Variants in CDC42 observed in about 807,000 individuals in gnomAD.
CDC42 encodes the protein cell division cycle 42.
A neutral mutation model predicts 20.8 loss-of-function variants in CDC42; 1 was observed. The ratio of observed to expected loss-of-function variants is 0.05; its 90% CI spans 0.02 to 0.23. The LOEUF (loss-of-function observed/expected upper bound fraction) is 0.23. Among genes scored for constraint, CDC42 ranks in the 10% least tolerant of loss-of-function variants. The pLI, the probability that CDC42 is intolerant of heterozygous loss-of-function variation, is 1.00. For missense variants in CDC42, 49 were observed against 227.9 expected (o/e 0.21, Z 5.05); for synonymous variants, 72 against 84.8 (o/e 0.85, Z 0.83).
chr1:22,074,477 T>C (rs1205981973), intron 1 of CDC42, among the ~76,000 whole-genome samples: 1 of 152,216 alleles, frequency 6.6e-6, no homozygotes, highest in East Asian at 1.9e-4. Context: ...ACATAGGGTA[T>C]ATGAACATGT....
chr1:22,075,226 T>C lies in CDC42; in HGVS notation c.-50-3203T>C, dbSNP rs114598508. The stretch of plus-strand genomic sequence containing the variant: ...AACGGTAGCCTCCTATAGTTTTTAT[T>C]TAACACATGAAACAATTATTAATAC... On this transcript the variant is annotated intron_variant, in intron 1 of 5. Coordinates refer to ENST00000656825, the MANE Select transcript of CDC42 (RefSeq NM_001791.4). Among the ~76,000 whole-genome samples the C allele has an allele frequency of 4.3e-3, 658 of 152,326 alleles. 6 individuals are homozygous for C. The highest frequency in any genetic ancestry group is 0.015 in the African/African-American group (643 of 41,568).
chr1:22,054,940 T>C (rs1201045979), intron 1 of CDC42, among the ~76,000 whole-genome samples: 1 of 24,288 alleles, frequency 4.1e-5, no homozygotes, highest in African/African-American at 2.0e-4. Context: ...TTTTTTTTTT[T>C]TTTTTTTTTT....
intron 1 of CDC42, among the ~76,000 whole-genome samples, chr1:22,073,538 CAA>C (rs879917377): frequency 1.3e-4 from 12 of 92,272 alleles, no homozygotes; most frequent in Non-Finnish European, 9.1e-5. Context: ...AACTCTGTCT[CAA>C]AAAAAAAAAA....
chr1:22,065,417 A>G (rs1167657583), intron 1 of CDC42, among the ~76,000 whole-genome samples: 3 of 152,232 alleles, frequency 2.0e-5, no homozygotes, highest in African/African-American at 7.2e-5. Flanking sequence ...AAATTAGCAA[A>G]TAACCCTCCC....
chr1:22,086,892 G>A, intron 5 of CDC42, 26 bp downstream of exon 5: 1 of 1,579,164 alleles, frequency 6.3e-7, no homozygotes, highest in Non-Finnish European at 8.7e-7. Flanking sequence ...AACCCCATGT[G>A]TATTTATGGT....
chr1:22,078,867 A>T lies in CDC42; in HGVS notation c.105+284A>T, dbSNP rs765164792. The stretch of plus-strand genomic sequence containing the variant: ...GTCTCAATTTGGTGAAGTATGCCCT[A>T]CATCTTGGAATGAGGTGACTTTTTT... On this transcript the variant is annotated intron_variant, in intron 2 of 5. Transcript: ENST00000656825. The T allele has an allele frequency of 4.5e-6, 6 of 1,320,632 alleles. No individual in the cohort carries two copies. The South Asian group carries it at 8.0e-5, about 18-fold the overall frequency. The allele number at this position is 1,320,632 out of a possible 1,614,324, so 81.8% of individuals were successfully genotyped here. A position where few individuals can be genotyped will look rare whatever the true frequency, so the allele number is the denominator to read the frequency against.
chr1:22,078,419 C>T lies in CDC42; in HGVS notation c.-50-10C>T, dbSNP rs572342695. 1 of 1,274,430 alleles carries T rather than the reference C, an allele frequency of 7.8e-7. No homozygotes were observed. The highest frequency in any genetic ancestry group is 1.5e-5 in the African/African-American group (1 of 67,352). 78.9% of individuals were successfully genotyped at this position (1,274,430 alleles called of 1,614,324 possible). A position where few individuals can be genotyped will look rare whatever the true frequency, so the allele number is the denominator to read the frequency against. ...GTATAAATAAACAAATGTCTTTAATCTTTTTGCAGGTCATCATCAGATTTG... is the reference window on the plus strand; with the variant it reads ...GTATAAATAAACAAATGTCTTTAATTTTTTTGCAGGTCATCATCAGATTTG... On this transcript the variant is annotated splice_polypyrimidine_tract_variant and intron_variant, in intron 1 of 5. Transcript: ENST00000656825.
At chr1:22,086,314 T>C in intron 3 of CDC42, 125 bp from the exon 4 acceptor site, 5 of 621,750 alleles carry the variant, frequency 8.0e-6, no homozygotes, top group Non-Finnish European at 1.4e-5. Context: ...CATATTATAT[T>C]ACAAAGCCAT....
At chr1:22,071,042 CTTTCT>C (rs1428381775) in intron 1 of CDC42, among the ~76,000 whole-genome samples, 1 of 50,594 alleles carries the variant, frequency 2.0e-5, no homozygotes, top group Non-Finnish European at 3.5e-5. Flanking sequence ...CTTTTTTTTT[CTTTCT>C]TTTTTTTTTT....
chr1:22,089,259 C>A (rs1218482833), intron 5 of CDC42, among the ~76,000 whole-genome samples: 1 of 152,128 alleles, frequency 6.6e-6, no homozygotes, highest in Non-Finnish European at 1.5e-5. Flanking sequence ...GTATCTTAAT[C>A]CCCGTAAGAT....
chr1:22,090,893 C>T (rs957066836), intron 5 of CDC42: 16 of 623,390 alleles, frequency 2.6e-5, no homozygotes, highest in Non-Finnish European at 3.0e-5. Context: ...TCCCTTGAAT[C>T]TCCTTGACTC....
In CDC42 at chr1:22,096,213, C is replaced by G. The variant is rs1645757371; in HGVS notation, c.*4696C>G. On this transcript the variant is annotated 3_prime_UTR_variant, in exon 6 of 6. Coordinates refer to ENST00000656825, the MANE Select transcript of CDC42 (RefSeq NM_001791.4). ...TGACCTCCTGATCCGCCCTCCTCAG[C>G]CTCCCAAAGTGCTGGGATTATAGGC... 6.6e-6 allele frequency among the ~76,000 whole-genome samples: 1 copy of G among 152,170 alleles called. No individual in the cohort carries two copies. The highest frequency in any genetic ancestry group is 6.5e-5 in the Admixed American group (1 of 15,278).
rs932932128 is a variant in CDC42, at chr1:22,095,696, A to G, written c.*4179A>G. 1.3e-5 allele frequency among the ~76,000 whole-genome samples: 2 copies of G among 152,188 alleles called. No individual in the cohort carries two copies. The highest frequency in any genetic ancestry group is 4.8e-5 in the African/African-American group (2 of 41,444). ...GAACCATGCCAACGGTAGCTTATTA[A>G]AACAGCATTTATTTTTCTCATTCAT... On this transcript the variant is annotated 3_prime_UTR_variant, in exon 6 of 6. Coordinates refer to ENST00000656825, the MANE Select transcript of CDC42 (RefSeq NM_001791.4).
chr1:22,082,829 G>A (rs958934573), intron 3 of CDC42, among the ~76,000 whole-genome samples: 1 of 151,968 alleles, frequency 6.6e-6, no homozygotes, highest in African/African-American at 2.4e-5. Flanking sequence ...CATGATAAAT[G>A]AGGGGTTTTC....
intron 1 of CDC42, among the ~76,000 whole-genome samples, chr1:22,060,870 G>A (rs1645355085): frequency 6.6e-6 from 1 of 152,214 alleles, no homozygotes. Context: ...TTTAGAATGT[G>A]TAAAGTTTGG....
chr1:22,056,701 A>G (rs1645307890), intron 1 of CDC42, among the ~76,000 whole-genome samples: 1 of 152,244 alleles, frequency 6.6e-6, no homozygotes. Flanking sequence ...CAAACTGCTT[A>G]TTCCGTGAAG....
intron 1 of CDC42, among the ~76,000 whole-genome samples, chr1:22,077,535 TG>T (rs891281342): frequency 2.0e-4 from 31 of 152,282 alleles, no homozygotes; most frequent in Admixed American, 2.0e-3. Flanking sequence ...AGGTACATAT[TG>T]GGTGGTGTTT....
At chr1:22,056,959 T>C (rs1645310244) in intron 1 of CDC42, among the ~76,000 whole-genome samples, 1 of 152,234 alleles carries the variant, frequency 6.6e-6, no homozygotes, top group African/African-American at 2.4e-5. Context: ...TGCATCCTTT[T>C]CTGTAAAATT....
chr1:22,094,384 G>T lies in CDC42; in HGVS notation c.*2867G>T, dbSNP rs200328816. On this transcript the variant is annotated 3_prime_UTR_variant, in exon 6 of 6. Coordinates refer to ENST00000656825, the MANE Select transcript of CDC42 (RefSeq NM_001791.4). ...GCGATCTCGGCTCACTGCAAGCTCCGCCTCCCGGGTTCACGCCATTCTCCT... is the reference window on the plus strand; with the variant it reads ...GCGATCTCGGCTCACTGCAAGCTCCTCCTCCCGGGTTCACGCCATTCTCCT... 5.1e-5 allele frequency among the ~76,000 whole-genome samples: 6 copies of T among 118,342 alleles called. No individual in the cohort carries two copies. The East Asian group carries it at 1.5e-3, about 30-fold the overall frequency. The allele number at this position is 118,342 out of a possible 152,430, so 77.6% of individuals were successfully genotyped here.
Sources: allele counts gnomAD v4.1 joint callset (sites outside exome capture counted in the v4.1 genomes callset), GRCh38; gene constraint gnomAD v4.1.1; transcripts MANE v1.5; gene names NCBI Gene and HGNC (gene_info 2026-07-23, HGNC 2026-07-21).